The following PCBD2 variants were observed in gnomAD, a reference collection of about 807,000 sequenced individuals.
The protein encoded by PCBD2 is pterin-4 alpha-carbinolamine dehydratase 2.
In PCBD2, 12 loss-of-function variants were observed where a neutral mutation model predicts 16.4. The observed-to-expected ratio is 0.73, with a 90% CI of 0.47 to 1.19. The LOEUF is 1.19. PCBD2 is among the 50% of genes most tolerant of loss of function. PCBD2 has a pLI of 0.00. For synonymous variants in PCBD2, 58 were observed against 61.8 expected, an observed-to-expected ratio of 0.94 and a Z score of 0.29; for missense variants, 138 against 156.8, an observed-to-expected ratio of 0.88 and a Z score of 0.64.
intron 1 of PCBD2, among the ~76,000 whole-genome samples, chr5:134,906,681 G>A (rs1750694951): frequency 6.6e-6 from 1 of 152,136 alleles, no homozygotes; most frequent in South Asian, 2.1e-4. Flanking sequence ...GCTGCCCCAT[G>A]CCAGGCTCAA....
intron 2 of PCBD2, among the ~76,000 whole-genome samples, chr5:134,953,465 A>C (rs1751381411): frequency 6.6e-6 from 1 of 151,468 alleles, no homozygotes; most frequent in Non-Finnish European, 1.5e-5. Context: ...AGATCCTATA[A>C]AATTATATAC....
At chr5:134,920,489 C>T (rs982068593) in intron 2 of PCBD2, among the ~76,000 whole-genome samples, 1 of 152,206 alleles carries the variant, frequency 6.6e-6, no homozygotes, top group Non-Finnish European at 1.5e-5. Context: ...AGGGAATATT[C>T]GCCAGCTGAA....
intron 3 of PCBD2, among the ~76,000 whole-genome samples, chr5:134,959,764 G>T (rs554994993): frequency 3.9e-5 from 6 of 151,920 alleles, no homozygotes; most frequent in Non-Finnish European, 8.8e-5. Flanking sequence ...TTGGTACCAG[G>T]CTAAACTTTT....
rs566132660 is a variant in PCBD2, at chr5:134,951,092, G to A, written c.217-7948G>A. 6.6e-5 allele frequency among the ~76,000 whole-genome samples: 10 copies of A among 152,216 alleles called. No homozygotes were observed. In the East Asian group the frequency reaches 1.7e-3, roughly 26 times the overall value. On this transcript the variant is annotated intron_variant, in intron 2 of 3. Coordinates refer to ENST00000254908, the MANE Select transcript of PCBD2 (RefSeq NM_032151.5). ...AATAGATCAGGTATACACATGGTACGAATTCAAAAGGTACCAAAGAATGTA... is the reference window on the plus strand; with the variant it reads ...AATAGATCAGGTATACACATGGTACAAATTCAAAAGGTACCAAAGAATGTA...
At chr5:134,928,868 A>G (rs918420614) in intron 2 of PCBD2, among the ~76,000 whole-genome samples, 1 of 152,056 alleles carries the variant, frequency 6.6e-6, no homozygotes, top group African/African-American at 2.4e-5. Context: ...TGGAAGTGAT[A>G]TTTACTGAGC....
intron 2 of PCBD2, among the ~76,000 whole-genome samples, chr5:134,912,513 C>A (rs1392833201): frequency 6.6e-6 from 1 of 152,172 alleles, no homozygotes; most frequent in Non-Finnish European, 1.5e-5. Context: ...TAGATGCTGT[C>A]AGGAAATGGG....
intron 2 of PCBD2, among the ~76,000 whole-genome samples, chr5:134,937,988 A>G (rs570950533): frequency 9.8e-5 from 15 of 152,306 alleles, no homozygotes; most frequent in African/African-American, 3.6e-4. Context: ...GTGTCTTGAA[A>G]TTAGTCTGAA....
At chr5:134,948,621 G>T (rs1300631812) in intron 2 of PCBD2, among the ~76,000 whole-genome samples, 1 of 151,682 alleles carries the variant, frequency 6.6e-6, no homozygotes, top group Non-Finnish European at 1.5e-5. Context: ...AACAGTATAT[G>T]TTGAAGATGG....
intron 1 of PCBD2, among the ~76,000 whole-genome samples, chr5:134,906,343 A>G (rs941543026): frequency 8.6e-5 from 13 of 151,622 alleles, no homozygotes; most frequent in African/African-American, 3.2e-4. Flanking sequence ...AGCTGGGACA[A>G]CAGGCGCCCG....
chr5:134,925,170 G>T (rs879245989), intron 2 of PCBD2: 2 of 398,166 alleles, frequency 5.0e-6, no homozygotes, highest in African/African-American at 4.1e-5. Flanking sequence ...GACCTGTTAG[G>T]GTGAGAAGAA....
chr5:134,960,913 C>T lies in PCBD2; in HGVS notation c.*232C>T, dbSNP rs558683669. 155 of 368,486 alleles carry T rather than the reference C, an allele frequency of 4.2e-4. 2 individuals are homozygous for T. In the South Asian group the frequency reaches 4.5e-3, roughly 11 times the overall value. 22.8% of individuals were successfully genotyped at this position (368,486 alleles called of 1,614,324 possible). A position where few individuals can be genotyped will look rare whatever the true frequency, so the allele number is the denominator to read the frequency against. ...TCCTGAGTAGCTGGGATTACAAGCA[C>T]GTGTCACCACGCCTGGCTAATTTTT... On this transcript the variant is annotated 3_prime_UTR_variant, in exon 4 of 4. Coordinates refer to ENST00000254908, the MANE Select transcript of PCBD2 (RefSeq NM_032151.5).
chr5:134,954,746 C>CTT (rs745627366), intron 2 of PCBD2, among the ~76,000 whole-genome samples: 1 of 144,422 alleles, frequency 6.9e-6, no homozygotes. Context: ...TCAGCAGAAT[C>CTT]TTTTTTTTTT....
At chr5:134,919,277 G>T (rs1580880023) in intron 2 of PCBD2, among the ~76,000 whole-genome samples, 3 of 152,144 alleles carry the variant, frequency 2.0e-5, no homozygotes, top group African/African-American at 7.2e-5. Context: ...AGGTATTTCA[G>T]ATTTATGCTT....
intron 2 of PCBD2, among the ~76,000 whole-genome samples, chr5:134,914,555 G>A (rs956232725): frequency 3.5e-4 from 54 of 152,190 alleles, no homozygotes; most frequent in African/African-American, 1.2e-3. Context: ...AGGAACAGAG[G>A]GACAAGGGAA....
intron 1 of PCBD2, chr5:134,905,564 C>T (rs1007153760): frequency 4.7e-6 from 1 of 213,802 alleles, no homozygotes; most frequent in Non-Finnish European, 9.2e-6. Flanking sequence ...CGCTGCCGCT[C>T]GTTGTGCTGA....
intron 1 of PCBD2, among the ~76,000 whole-genome samples, chr5:134,907,735 T>C (rs1419443208): frequency 6.9e-6 from 1 of 145,984 alleles, no homozygotes; most frequent in Non-Finnish European, 1.5e-5. Flanking sequence ...TGATTCTCCT[T>C]CCTCAGCCTC....
At chr5:134,907,884 A>G (rs956027333) in intron 1 of PCBD2, among the ~76,000 whole-genome samples, 8 of 148,242 alleles carry the variant, frequency 5.4e-5, no homozygotes, top group Admixed American at 2.0e-4. Flanking sequence ...GGCCTCCCAA[A>G]GTGCTGGGAT....
intron 2 of PCBD2, among the ~76,000 whole-genome samples, chr5:134,913,545 C>T (rs1341747538): frequency 2.0e-5 from 3 of 152,006 alleles, no homozygotes; most frequent in South Asian, 2.1e-4. Context: ...GCCTTCTTGG[C>T]GTGGTGAGGA....
intron 2 of PCBD2, among the ~76,000 whole-genome samples, chr5:134,952,907 G>A (rs969607536): frequency 4.0e-5 from 6 of 151,100 alleles, no homozygotes; most frequent in Non-Finnish European, 7.4e-5. Context: ...GTTATTATTT[G>A]TAGTGTAGAT....
Sources: allele counts gnomAD v4.1 joint callset (sites outside exome capture counted in the v4.1 genomes callset), GRCh38; gene constraint gnomAD v4.1.1; transcripts MANE v1.5; gene names NCBI Gene and HGNC (gene_info 2026-07-23, HGNC 2026-07-21).